Variants in DNAJB5 observed in about 807,000 individuals in gnomAD.
DNAJB5 encodes DnaJ heat shock protein family (Hsp40) member B5, also known as dnaJ homolog subfamily B member 5.
In DNAJB5, 12 loss-of-function variants were observed where a neutral mutation model predicts 32.6. The observed-to-expected ratio is 0.37, with a 90% CI of 0.24 to 0.60. The LOEUF is 0.60. DNAJB5 is among the 20% of genes least tolerant of loss of function. The pLI is 0.71. For synonymous variants in DNAJB5, 188 were observed against 212.9 expected (o/e 0.88, Z 1.02); for missense variants, 358 against 554.2 (o/e 0.65, Z 3.55).
At position 34,996,301 on chromosome 9, in the gene DNAJB5, G is replaced by T. The variant is rs1313574173; in HGVS notation, c.464G>T (p.Ser155Ile). ...GGCGGTGGCACATCAGGTGGCTCCA[G>T]TGGCTCCTTTCACTACACCTTTCAT... ...KTGGGTSGGS[S>I]GSFHYTFHGD... The change falls in exon 4 of 5, where the codon AGT becomes ATT. Residue 155 changes from serine (S) to isoleucine (I), a missense_variant. By Grantham distance (142) the Ser-to-Ile change is moderately radical (BLOSUM62 -2). Around this residue, in one of 2 missense-constraint regions of DNAJB5, gnomAD observed 248 missense variants for 442.6 expected, o/e 0.56. Transcript: ENST00000682809. The surrounding 1 kb of genome is among the most constrained non-coding windows in gnomAD (Gnocchi z 7.2). 1 of 1,614,130 alleles carries T rather than the reference G, an allele frequency of 6.2e-7. No individual in the cohort carries two copies. Among genetic ancestry groups the T allele is most frequent in the South Asian group, 1.1e-5 (1 of 91,086 alleles).
rs570895639 is a variant in DNAJB5 at position 34,996,090 on chromosome 9, A to G, written c.428-175A>G. 6.6e-6 allele frequency among the ~76,000 whole-genome samples: 1 copy of G among 152,214 alleles called. No individual in the cohort carries two copies. Among genetic ancestry groups the G allele is most frequent in the East Asian group, 1.9e-4 (1 of 5,182 alleles). On this transcript the variant is annotated intron_variant, in intron 3 of 4. Coordinates refer to ENST00000682809, the MANE Select transcript of DNAJB5 (RefSeq NM_001349723.3). This position sits in a 1 kb window ranked among gnomAD's most constrained non-coding sequence, Gnocchi z 7.2. ...ATCGTTATTAAATATATAATTAGGA[A>G]TGGAAGATAATCTTGCCAGAAGCCT...
chr9:34,990,101 G>A lies in DNAJB5; in HGVS notation c.-133+270G>A. 1.3e-6 allele frequency: 1 copy of A among 757,950 alleles called. No homozygotes were observed. The highest frequency in any genetic ancestry group is 2.0e-6 in the Non-Finnish European group (1 of 490,362). The allele number at this position is 757,950 out of a possible 1,614,324, so 47.0% of individuals were successfully genotyped here. A position where few individuals can be genotyped will look rare whatever the true frequency, so the allele number is the denominator to read the frequency against. On this transcript the variant is annotated intron_variant, in intron 1 of 4. Transcript: ENST00000682809. This position sits in a 1 kb window ranked among gnomAD's most constrained non-coding sequence, Gnocchi z 4.5. Reference sequence around the variant, plus strand: ...TTCTGTGGGGCGGAGGCATCTGTGAGCAGACCAGCCAGCCAGCGCGGGTGA... The same window carrying A: ...TTCTGTGGGGCGGAGGCATCTGTGAACAGACCAGCCAGCCAGCGCGGGTGA...
Position 34,990,530 on chromosome 9 carries a change from C to T in DNAJB5, c.-101C>T, listed in dbSNP as rs889294705. The T allele has an allele frequency of 1.3e-6, 2 of 1,545,250 alleles. No homozygotes were observed. The highest frequency in any genetic ancestry group is 1.7e-6 in the Non-Finnish European group (2 of 1,146,694). On this transcript the variant is annotated 5_prime_UTR_variant, in exon 2 of 5. Coordinates refer to ENST00000682809, the MANE Select transcript of DNAJB5 (RefSeq NM_001349723.3). The surrounding 1 kb of genome is among the most constrained non-coding windows in gnomAD (Gnocchi z 4.5). ...CACCTGCTGCGCCAGACAGGCCTTG[C>T]TGGGCACGCGCCTCTGAGAGTCCAA...
At chr9:34,994,351 C>T (rs1234578930) in intron 3 of DNAJB5, among the ~76,000 whole-genome samples, 1 of 152,150 alleles carries the variant, frequency 6.6e-6, no homozygotes, top group Non-Finnish European at 1.5e-5. Flanking sequence ...TATTTTCTTC[C>T]CCTCCTCCTG....
rs369536483 is a variant in DNAJB5 at position 34,991,617 on chromosome 9, C to CG, written c.182+805_182+806insG. Reference sequence around the variant, plus strand: ...GGTTGAGGCAGAAATGGCAGACCACCCCCCCCCGCTCCCTCTCAGACGGCT... The same window carrying CG: ...GGTTGAGGCAGAAATGGCAGACCACCGCCCCCCCGCTCCCTCTCAGACGGCT... On this transcript the variant is annotated intron_variant, in intron 2 of 4. Coordinates refer to ENST00000682809, the MANE Select transcript of DNAJB5 (RefSeq NM_001349723.3). 3.9e-4 allele frequency: 84 copies of CG among 216,758 alleles called. 1 individual carries two copies. Among genetic ancestry groups the CG allele is most frequent in the South Asian group, 1.7e-3 (55 of 31,782 alleles). 13.4% of individuals were successfully genotyped at this position (216,758 alleles called of 1,614,324 possible).
At chr9:34,992,235 C>T (rs1158080462) in intron 2 of DNAJB5, 1 of 152,248 alleles carries the variant, frequency 6.6e-6, no homozygotes, top group Non-Finnish European at 1.5e-5. Flanking sequence ...GCTCCTGCAC[C>T]CACCTTAAAA....
chr9:34,994,579 G>A lies in DNAJB5; in HGVS notation c.427+1135G>A, dbSNP rs368324004. On this transcript the variant is annotated intron_variant, in intron 3 of 4. Coordinates refer to ENST00000682809, the MANE Select transcript of DNAJB5 (RefSeq NM_001349723.3). Reference sequence around the variant, plus strand: ...AGGGATAGGAGTGGAAAAGAGGGAAGCAGTGCAGACACCATGCCACCATGT... The same window carrying A: ...AGGGATAGGAGTGGAAAAGAGGGAAACAGTGCAGACACCATGCCACCATGT... Among the ~76,000 whole-genome samples the A allele has an allele frequency of 1.2e-4, 19 of 152,308 alleles. No individual in the cohort carries two copies. The East Asian group carries it at 2.9e-3, about 23-fold the overall frequency.
Position 34,996,723 on chromosome 9 carries a change from A to C in DNAJB5, c.886A>C (p.Lys296Gln). ...CAAGCGTGGCTGGAAGGAAGGCACC[A>C]AGATCACCTTCCCCAAAGAAGGCGA... ...VIKRGWKEGT[K>Q]ITFPKEGDAT... The change falls in exon 4 of 5, where the codon AAG becomes CAG. Residue 296 changes from lysine (K) to glutamine (Q), a missense_variant. This residue lies in a region of DNAJB5 where 248 missense variants were observed against 442.6 expected (regional missense o/e 0.56). Transcript: ENST00000682809. This position sits in a 1 kb window ranked among gnomAD's most constrained non-coding sequence, Gnocchi z 7.2. 6.2e-7 allele frequency: 1 copy of C among 1,614,138 alleles called. No individual in the cohort carries two copies. Among genetic ancestry groups the C allele is most frequent in the Non-Finnish European group, 8.5e-7 (1 of 1,180,026 alleles).
At position 34,993,416 on chromosome 9, in the gene DNAJB5, G is replaced by T; in HGVS notation, c.399G>T (p.Arg133=). 1 of 1,613,580 alleles carries T rather than the reference G, an allele frequency of 6.2e-7. No individual in the cohort carries two copies. Among genetic ancestry groups the T allele is most frequent in the Non-Finnish European group, 8.5e-7 (1 of 1,179,910 alleles). ...ATGTGCTAAGTGACCCCAAGAAACG[G>T]GGCCTGTATGACCAGTATGGGGAGG... ...AYDVLSDPKK[R]GLYDQYGEEG... Residue 133 remains arginine, a synonymous_variant, in exon 3 of 5, where the codon CGG becomes CGT. Coordinates refer to ENST00000682809, the MANE Select transcript of DNAJB5 (RefSeq NM_001349723.3). The surrounding 1 kb of genome is among the most constrained non-coding windows in gnomAD (Gnocchi z 4.7).
rs542804426 is a variant in DNAJB5, at chr9:34,996,103, T to A, written c.428-162T>A. ...ATATAATTAGGAATGGAAGATAATCTTGCCAGAAGCCTTTCTTACTCTATT... is the reference window on the plus strand; with the variant it reads ...ATATAATTAGGAATGGAAGATAATCATGCCAGAAGCCTTTCTTACTCTATT... On this transcript the variant is annotated intron_variant, in intron 3 of 4. Coordinates refer to ENST00000682809, the MANE Select transcript of DNAJB5 (RefSeq NM_001349723.3). This position sits in a 1 kb window ranked among gnomAD's most constrained non-coding sequence, Gnocchi z 7.2. Among the ~76,000 whole-genome samples the A allele has an allele frequency of 2.6e-5, 4 of 152,340 alleles. No homozygotes were observed. The South Asian group carries it at 8.3e-4, about 32-fold the overall frequency.
rs1487961016 is a variant in DNAJB5 at position 34,990,906 on chromosome 9, A to C, written c.182+94A>C. On this transcript the variant is annotated intron_variant, in intron 2 of 4. Coordinates refer to ENST00000682809, the MANE Select transcript of DNAJB5 (RefSeq NM_001349723.3). The surrounding 1 kb of genome is among the most constrained non-coding windows in gnomAD (Gnocchi z 4.5). ...ATTGCCTTCCTGCTTCCTCCAACTC[A>C]TCCTCATCCCCTCTGTGACATACAG... 3 of 1,306,444 alleles carry C rather than the reference A, an allele frequency of 2.3e-6. No individual in the cohort carries two copies. Among genetic ancestry groups the C allele is most frequent in the East Asian group, 5.0e-5 (2 of 39,630 alleles). The allele number at this position is 1,306,444 out of a possible 1,614,324, so 80.9% of individuals were successfully genotyped here.
rs1355216157 is a variant in DNAJB5, at chr9:34,996,418, G to A, written c.581G>A (p.Ser194Asn). 5.6e-6 allele frequency: 9 copies of A among 1,614,018 alleles called. No homozygotes were observed. Among genetic ancestry groups the A allele is most frequent in the Non-Finnish European group, 7.6e-6 (9 of 1,180,022 alleles). The change falls in exon 4 of 5, where the codon AGT becomes AAT. Residue 194 changes from serine (S) to asparagine (N), a missense_variant. Ser to Asn is a conservative substitution (Grantham distance 46, BLOSUM62 1). This residue lies in a region of DNAJB5 where 248 missense variants were observed against 442.6 expected (regional missense o/e 0.56). Transcript: ENST00000682809. The surrounding 1 kb of genome is among the most constrained non-coding windows in gnomAD (Gnocchi z 7.2). ...FASSRSTRPF[S>N]GFDPDDMDVD... Reference sequence around the variant, plus strand: ...AGCAGCCGCTCCACTCGGCCCTTCAGTGGCTTTGACCCAGATGACATGGAT... The same window carrying A: ...AGCAGCCGCTCCACTCGGCCCTTCAATGGCTTTGACCCAGATGACATGGAT...
intron 2 of DNAJB5, chr9:34,991,256 G>A: frequency 2.2e-6 from 1 of 456,476 alleles, no homozygotes; most frequent in South Asian, 1.6e-5. Context: ...CAAAGGCAGT[G>A]CCATGCCATG....
At position 34,995,799 on chromosome 9, in the gene DNAJB5, C is replaced by T. The variant is rs184634156; in HGVS notation, c.428-466C>T. On this transcript the variant is annotated intron_variant, in intron 3 of 4. Transcript: ENST00000682809. ...CCGGGTTGGATCCCTAGCCTATTTG[C>T]GACTGTTCACTTACCAGCCCCCTCT... 3.4e-3 allele frequency among the ~76,000 whole-genome samples: 522 copies of T among 152,306 alleles called. 2 individuals carry two copies. The highest frequency in any genetic ancestry group is 5.2e-3 in the Non-Finnish European group (351 of 68,032).
chr9:34,993,474 G>A lies in DNAJB5; in HGVS notation c.427+30G>A, dbSNP rs2277201. On this transcript the variant is annotated intron_variant, in intron 3 of 4. Transcript: ENST00000682809. This position sits in a 1 kb window ranked among gnomAD's most constrained non-coding sequence, Gnocchi z 4.7. ...GAGGGCAGCACTCCAGCCCAATCCC[G>A]GACCCCTCCGCTTGGTAGGGGTCCC... The A allele has an allele frequency of 1.4e-4, 219 of 1,591,854 alleles. No individual in the cohort carries two copies. The East Asian group carries it at 3.6e-3, about 26-fold the overall frequency.
At chr9:34,995,734 A>G (rs916236751) in intron 3 of DNAJB5, among the ~76,000 whole-genome samples, 3 of 152,242 alleles carry the variant, frequency 2.0e-5, no homozygotes, top group Non-Finnish European at 4.4e-5. Flanking sequence ...CCAGGGAAAG[A>G]GGAAACACTG....
In DNAJB5 at chr9:34,996,999, C is replaced by T. The variant is rs769474351; in HGVS notation, c.1030-27C>T. 8.7e-6 allele frequency: 14 copies of T among 1,608,458 alleles called. No homozygotes were observed. The highest frequency in any genetic ancestry group is 1.1e-5 in the Non-Finnish European group (13 of 1,179,124). On this transcript the variant is annotated intron_variant, in intron 4 of 4. Coordinates refer to ENST00000682809, the MANE Select transcript of DNAJB5 (RefSeq NM_001349723.3). This position sits in a 1 kb window ranked among gnomAD's most constrained non-coding sequence, Gnocchi z 7.2. ...TCCCACTCACCTTACCCCACCTTTT[C>T]CTCACTTTCTGCTTCGTCTTTCCCA...
Position 34,996,648 on chromosome 9 carries a change from C to A in DNAJB5, c.811C>A (p.Pro271Thr). 6.2e-7 allele frequency: 1 copy of A among 1,614,140 alleles called. No individual in the cohort carries two copies. Among genetic ancestry groups the A allele is most frequent in the Non-Finnish European group, 8.5e-7 (1 of 1,180,026 alleles). The change falls in exon 4 of 5, where the codon CCT becomes ACT. Residue 271 changes from proline (P) to threonine (T), a missense_variant. Physicochemically the swap from Pro to Thr is conservative, Grantham distance 38 (BLOSUM62 -1). This residue lies in a region of DNAJB5 where 248 missense variants were observed against 442.6 expected (regional missense o/e 0.56). Coordinates refer to ENST00000682809, the MANE Select transcript of DNAJB5 (RefSeq NM_001349723.3). The surrounding 1 kb of genome is among the most constrained non-coding windows in gnomAD (Gnocchi z 7.2). ...RMKITRRRLN[P>T]DGRTVRTEDK... ...GAAGATCACAAGGCGTCGCCTCAAC[C>A]CTGATGGGCGAACTGTGCGCACCGA...
In DNAJB5 at chr9:34,997,718, T is replaced by C. The variant is rs550193523; in HGVS notation, c.*459T>C. 27 of 323,296 alleles carry C rather than the reference T, an allele frequency of 8.4e-5. No homozygotes were observed. The highest frequency in any genetic ancestry group is 5.8e-4 in the African/African-American group (27 of 46,472). The allele number at this position is 323,296 out of a possible 1,614,324, so 20.0% of individuals were successfully genotyped here. A position where few individuals can be genotyped will look rare whatever the true frequency, so the allele number is the denominator to read the frequency against. The stretch of plus-strand genomic sequence containing the variant: ...CAGCCCCACCCCCAGGTCCACAGTG[T>C]CCAAGGTAATGGCACACATATTCAT... On this transcript the variant is annotated 3_prime_UTR_variant, in exon 5 of 5. Transcript: ENST00000682809. The surrounding 1 kb of genome is among the most constrained non-coding windows in gnomAD (Gnocchi z 4.1).
Sources: allele counts gnomAD v4.1 joint callset (sites outside exome capture counted in the v4.1 genomes callset), GRCh38; gene constraint gnomAD v4.1.1; regional missense constraint gnomAD v4.1.1; non-coding constraint Gnocchi (gnomAD v3.1); transcripts MANE v1.5; gene names NCBI Gene and HGNC (gene_info 2026-07-23, HGNC 2026-07-21).